LRMDA: variants seen among roughly 807,000 people sequenced by gnomAD.
LRMDA encodes leucine rich melanocyte differentiation associated.
LRMDA carries 18 observed loss-of-function variants against 29.8 expected under a neutral mutation model. That is an observed-to-expected ratio of 0.60 (90% CI 0.42 to 0.90). The LOEUF is 0.90. Among genes scored for constraint, LRMDA ranks in the 40% least tolerant of loss-of-function variants. The pLI is 0.00. For missense variants in LRMDA, 273 were observed against 273.9 expected, an observed-to-expected ratio of 1.00 and a Z score of 0.02; for synonymous variants, 125 against 109.4, an observed-to-expected ratio of 1.14 and a Z score of -0.89.
At chr10:76,105,278 G>A (rs550650993) in intron 5 of LRMDA, among the ~76,000 whole-genome samples, 22 of 152,116 alleles carry the variant, frequency 1.4e-4, no homozygotes, top group Non-Finnish European at 2.4e-4. Context: ...GCAGGATTTC[G>A]TTACCGTTTT....
intron 2 of LRMDA, among the ~76,000 whole-genome samples, chr10:76,026,073 G>GAA (rs966204404): frequency 6.7e-6 from 1 of 149,082 alleles, no homozygotes; most frequent in Non-Finnish European, 1.5e-5. Context: ...AACTTCAAAG[G>GAA]AAAAAAAAAA....
chr10:75,999,884 TTGTC>T (rs1167980151), intron 2 of LRMDA, among the ~76,000 whole-genome samples: 1 of 152,262 alleles, frequency 6.6e-6, no homozygotes, highest in Non-Finnish European at 1.5e-5. Flanking sequence ...GATATTTTCT[TTGTC>T]TGATTATACA....
At chr10:75,581,885 T>G (rs1840597815) in intron 2 of LRMDA, among the ~76,000 whole-genome samples, 1 of 152,150 alleles carries the variant, frequency 6.6e-6, no homozygotes, top group African/African-American at 2.4e-5. Flanking sequence ...TATACCTGTG[T>G]AATAAACCTG....
chr10:76,317,580 G>C (rs2758970), intron 5 of LRMDA, among the ~76,000 whole-genome samples: 2 of 152,062 alleles, frequency 1.3e-5, no homozygotes, highest in Non-Finnish European at 2.9e-5. Flanking sequence ...AAAATTTATT[G>C]ATTTAGTTTT....
chr10:75,869,329 C>A lies in LRMDA; in HGVS notation c.132-166679C>A, dbSNP rs543660088. Among the ~76,000 whole-genome samples the A allele has an allele frequency of 2.7e-4, 41 of 152,290 alleles. No homozygotes were observed. The East Asian group carries it at 2.7e-3, about 10-fold the overall frequency. On this transcript the variant is annotated intron_variant, in intron 2 of 6. Transcript: ENST00000611255. Reference sequence around the variant, plus strand: ...GCCTAGTTCTGGTTACCATGCTGCACCCCATGGCCAACCCCAGCCTGATAC... The same window carrying A: ...GCCTAGTTCTGGTTACCATGCTGCAACCCATGGCCAACCCCAGCCTGATAC...
intron 2 of LRMDA, among the ~76,000 whole-genome samples, chr10:75,538,389 G>A (rs763486718): frequency 6.6e-6 from 1 of 152,166 alleles, no homozygotes; most frequent in African/African-American, 2.4e-5. Context: ...AGCATGCCTA[G>A]TGAGTGAATG....
chr10:75,639,928 G>A (rs1264647647), intron 2 of LRMDA, among the ~76,000 whole-genome samples: 1 of 152,214 alleles, frequency 6.6e-6, no homozygotes, highest in Admixed American at 6.5e-5. Context: ...GACAGCTGGG[G>A]TGGTTAATCC....
intron 5 of LRMDA, among the ~76,000 whole-genome samples, chr10:76,289,441 T>G (rs1184340249): frequency 2.6e-5 from 4 of 152,208 alleles, no homozygotes; most frequent in African/African-American, 9.6e-5. Flanking sequence ...TCCTTAGTGT[T>G]TGTAATGCAG....
chr10:75,883,695 G>A (rs1025210186), intron 2 of LRMDA, among the ~76,000 whole-genome samples: 4 of 151,954 alleles, frequency 2.6e-5, no homozygotes, highest in Non-Finnish European at 5.9e-5. Context: ...AGGCAGAGCC[G>A]AGGTACTGAG....
chr10:75,516,641 T>G (rs1056243142), intron 2 of LRMDA, among the ~76,000 whole-genome samples: 2 of 152,142 alleles, frequency 1.3e-5, no homozygotes, highest in African/African-American at 4.8e-5. Context: ...TTTCTCCCAT[T>G]CTATAGGTTG....
chr10:76,399,968 T>A (rs1222664218), intron 6 of LRMDA, among the ~76,000 whole-genome samples: 1 of 152,210 alleles, frequency 6.6e-6, no homozygotes, highest in Non-Finnish European at 1.5e-5. Context: ...CTGGTGTTCA[T>A]ACCCTTGTGA....
intron 3 of LRMDA, among the ~76,000 whole-genome samples, chr10:76,037,686 A>G (rs1848274825): frequency 6.6e-6 from 1 of 152,192 alleles, no homozygotes; most frequent in Non-Finnish European, 1.5e-5. Context: ...GCAGAGAGAG[A>G]GGAAGCAAGC....
In LRMDA at chr10:76,430,512, T is replaced by C. The variant is rs536486575; in HGVS notation, c.601+106027T>C. ...TAACCTTGTGATTTATGGTACAAAA[T>C]TAGCCACTGCATCCTCTCATTACGG... On this transcript the variant is annotated intron_variant, in intron 6 of 6. Coordinates refer to ENST00000611255, the MANE Select transcript of LRMDA (RefSeq NM_001305581.2). 6.6e-5 allele frequency among the ~76,000 whole-genome samples: 10 copies of C among 152,284 alleles called. No homozygotes were observed. The East Asian group carries it at 7.7e-4, about 12-fold the overall frequency.
intron 6 of LRMDA, among the ~76,000 whole-genome samples, chr10:76,493,930 C>G (rs1352482529): frequency 6.6e-6 from 1 of 151,890 alleles, no homozygotes; most frequent in African/African-American, 2.4e-5. Context: ...AAATTGATCC[C>G]TTAATTTCAT....
chr10:76,297,230 G>A (rs772507275), intron 5 of LRMDA, among the ~76,000 whole-genome samples: 8 of 152,124 alleles, frequency 5.3e-5, no homozygotes, highest in Non-Finnish European at 1.0e-4. Flanking sequence ...ATTGTAAATC[G>A]CAAATATTCC....
chr10:76,220,367 C>T (rs991255759), intron 5 of LRMDA, among the ~76,000 whole-genome samples: 3 of 151,768 alleles, frequency 2.0e-5, no homozygotes, highest in Non-Finnish European at 2.9e-5. Flanking sequence ...ATTGATAGAC[C>T]ACTAGCAAGA....
At chr10:75,434,217 T>C (rs1053786385) in intron 1 of LRMDA, among the ~76,000 whole-genome samples, 1 of 152,222 alleles carries the variant, frequency 6.6e-6, no homozygotes, top group Non-Finnish European at 1.5e-5. Context: ...GAATCCCTTC[T>C]GTGGGGAGAG....
intron 2 of LRMDA, among the ~76,000 whole-genome samples, chr10:75,895,094 T>C (rs1455819980): frequency 6.6e-6 from 1 of 152,168 alleles, no homozygotes. Context: ...TTGAATTTTA[T>C]CCTGAAAGCC....
intron 6 of LRMDA, among the ~76,000 whole-genome samples, chr10:76,414,628 T>A (rs2132512518): frequency 6.6e-6 from 1 of 152,202 alleles, no homozygotes; most frequent in Non-Finnish European, 1.5e-5. Flanking sequence ...GGAAAAGGAG[T>A]TTAGAAGACT....
Sources: gnomAD v4.1 joint callset for allele counts (sites outside exome capture counted in the v4.1 genomes callset) on GRCh38, gnomAD v4.1.1 for gene constraint, MANE v1.5 for transcripts, NCBI Gene and HGNC (gene_info 2026-07-23, HGNC 2026-07-21) for gene names.